HDAC9: variants seen among roughly 807,000 people sequenced by gnomAD.
HDAC9 encodes histone deacetylase 9, also known as MEF-2 interacting transcription repressor (MITR) protein.
In HDAC9, 41 loss-of-function variants were observed where a neutral mutation model predicts 139.4. That is an observed-to-expected ratio of 0.29 (90% CI 0.23 to 0.38). The LOEUF (loss-of-function observed/expected upper bound fraction) is 0.38, where lower values mean the gene tolerates loss of function less well. HDAC9 is among the 10% of genes least tolerant of loss of function. HDAC9 has a pLI of 1.00. For missense variants in HDAC9, 1,147 were observed against 1,297.0 expected (o/e 0.88, Z 1.78); for synonymous variants, 517 against 476.2 (o/e 1.09, Z -1.12).
intron 12 of HDAC9, among the ~76,000 whole-genome samples, chr7:18,719,935 GA>G (rs1785017918): frequency 6.6e-6 from 1 of 152,124 alleles, no homozygotes; most frequent in Admixed American, 6.5e-5. Context: ...CACCTTTGTT[GA>G]AAATCAATTC....
At chr7:18,804,007 C>G (rs1376636911) in intron 17 of HDAC9, among the ~76,000 whole-genome samples, 2 of 151,948 alleles carry the variant, frequency 1.3e-5, no homozygotes, top group African/African-American at 4.8e-5. Flanking sequence ...TGCTGAAGAG[C>G]AATGATAAAG....
chr7:18,377,042 C>T (rs1264681966), intron 1 of HDAC9, among the ~76,000 whole-genome samples: 1 of 152,044 alleles, frequency 6.6e-6, no homozygotes, highest in Non-Finnish European at 1.5e-5. Context: ...ACAGTGTTGA[C>T]AGTGCTGATA....
chr7:18,687,499 A>T (rs559806186), intron 12 of HDAC9, among the ~76,000 whole-genome samples: 4 of 151,926 alleles, frequency 2.6e-5, no homozygotes, highest in African/African-American at 9.7e-5. Flanking sequence ...GATAAATAAC[A>T]TCTATACTTT....
intron 16 of HDAC9, among the ~76,000 whole-genome samples, chr7:18,771,103 C>A (rs1198540588): frequency 1.3e-5 from 2 of 152,174 alleles, no homozygotes; most frequent in East Asian, 1.9e-4. Context: ...CCTAAGAGGA[C>A]TGAGGATTTG....
Position 18,647,810 on chromosome 7 carries a change from A to T in HDAC9, c.1061A>T (p.Gln354Leu). ...LNASNSLKEK[Q>L]KCETQTLRQG... is the part of the protein sequence containing the mutation. ...GCTTCGAATTCACTCAAAGAAAAGC[A>T]GAAGTGTGAGACGCAGACGCTTAGG... The change falls in exon 10 of 26, where the codon CAG becomes CTG. Residue 354 changes from glutamine (Q) to leucine (L), a missense_variant. Gln to Leu is a moderately radical substitution (Grantham distance 113, BLOSUM62 -2). This residue lies in a region of HDAC9 where 264 missense variants were observed against 273.8 expected (regional missense o/e 0.96). Transcript: ENST00000686413. The T allele has an allele frequency of 6.2e-7, 1 of 1,610,960 alleles. No homozygotes were observed. The highest frequency in any genetic ancestry group is 8.5e-7 in the Non-Finnish European group (1 of 1,178,516).
chr7:18,172,755 G>A (rs577391100), intron 2 of HDAC9, among the ~76,000 whole-genome samples: 1 of 152,302 alleles, frequency 6.6e-6, no homozygotes, highest in South Asian at 2.1e-4. Flanking sequence ...CTGTAGTTGT[G>A]CAGTTTTGAG....
intron 13 of HDAC9, among the ~76,000 whole-genome samples, chr7:18,733,545 T>A (rs1786594741): frequency 6.6e-6 from 1 of 151,688 alleles, no homozygotes; most frequent in Non-Finnish European, 1.5e-5. Flanking sequence ...AAAAGAGCTA[T>A]CTTCTTTATT....
intron 1 of HDAC9, among the ~76,000 whole-genome samples, chr7:18,408,916 G>A (rs1014129240): frequency 3.9e-5 from 6 of 152,282 alleles, no homozygotes; most frequent in African/African-American, 1.4e-4. Context: ...TTTGAAACAA[G>A]AGCAACCTAG....
chr7:18,894,512 C>T (rs1405014707), intron 22 of HDAC9, among the ~76,000 whole-genome samples: 1 of 151,974 alleles, frequency 6.6e-6, no homozygotes, highest in Admixed American at 6.6e-5. Flanking sequence ...AACATGCAGG[C>T]CACTTCTGAC....
intron 17 of HDAC9, among the ~76,000 whole-genome samples, chr7:18,809,015 G>A (rs61264647): frequency 0.016 from 2,429 of 152,184 alleles, 58 homozygotes; most frequent in African/African-American, 0.056. Context: ...GAATAGAATG[G>A]AGAGCCCAGC....
chr7:18,650,736 T>C (rs893469849), intron 11 of HDAC9, among the ~76,000 whole-genome samples: 4 of 152,214 alleles, frequency 2.6e-5, no homozygotes, highest in African/African-American at 7.2e-5. Flanking sequence ...CCTATACTTT[T>C]AGGTACATGT....
intron 21 of HDAC9, among the ~76,000 whole-genome samples, chr7:18,845,550 ATTGT>A (rs1796849815): frequency 6.6e-6 from 1 of 152,104 alleles, no homozygotes; most frequent in African/African-American, 2.4e-5. Context: ...GTATTGTTTA[ATTGT>A]TTGCTTTGGT....
rs977401263 is a variant in HDAC9 at position 18,374,700 on chromosome 7, G to A, written c.-42+84185G>A. Among the ~76,000 whole-genome samples, 3 of 151,906 alleles carry A rather than the reference G, an allele frequency of 2.0e-5. No individual in the cohort carries two copies. In the East Asian group the frequency reaches 5.8e-4, roughly 29 times the overall value. On this transcript the variant is annotated intron_variant, in intron 1 of 3. Coordinates refer to the HDAC9 transcript ENST00000413509. ...AACATTGTTATGCTGGGTGTCTCCA[G>A]ACCTCTTAAAGTCTTTATATATATA... is the stretch of plus-strand genomic sequence containing the variant.
At chr7:18,297,065 T>C (rs1798198577) in intron 1 of HDAC9, among the ~76,000 whole-genome samples, 1 of 152,110 alleles carries the variant, frequency 6.6e-6, no homozygotes, top group African/African-American at 2.4e-5. Flanking sequence ...AGAGACGTCA[T>C]TGTTGAGCAG....
intron 17 of HDAC9, among the ~76,000 whole-genome samples, chr7:18,823,930 A>G (rs1795179900): frequency 6.6e-6 from 1 of 151,568 alleles, no homozygotes; most frequent in African/African-American, 2.4e-5. Context: ...GTGAGCTGAG[A>G]TGATGCCACT....
intron 17 of HDAC9, among the ~76,000 whole-genome samples, chr7:18,818,227 C>T (rs1297769832): frequency 6.6e-6 from 1 of 152,160 alleles, no homozygotes; most frequent in Non-Finnish European, 1.5e-5. Context: ...AGTGCTGATA[C>T]TTAAGCACTG....
rs577044118 is a variant in HDAC9 at position 18,466,299 on chromosome 7, C to A, written c.-41-29963C>A. 5.9e-5 allele frequency among the ~76,000 whole-genome samples: 9 copies of A among 152,292 alleles called. No homozygotes were observed. The East Asian group carries it at 1.7e-3, about 29-fold the overall frequency. ...GCAACCTCTGCCTCCCAGGCTCAAG[C>A]CATCCTCCTGCCTCAGTCTCCCAAG... On this transcript the variant is annotated intron_variant, in intron 1 of 3. Transcript: ENST00000413509.
intron 1 of HDAC9, among the ~76,000 whole-genome samples, chr7:18,488,584 A>C (rs1796140128): frequency 6.6e-6 from 1 of 151,950 alleles, no homozygotes. Context: ...ATTCAGTGAA[A>C]TTCATGAGTT....
At chr7:18,857,204 A>AT (rs202202855) in intron 21 of HDAC9, among the ~76,000 whole-genome samples, 3,081 of 149,714 alleles carry the variant, frequency 0.021, 49 homozygotes, top group Admixed American at 0.029. Context: ...CTCTTTTTTT[A>AT]TTTTTTTTTA....
Sources: allele counts gnomAD v4.1 joint callset (sites outside exome capture counted in the v4.1 genomes callset), GRCh38; gene constraint gnomAD v4.1.1; regional missense constraint gnomAD v4.1.1; transcripts MANE v1.5; gene names NCBI Gene and HGNC (gene_info 2026-07-23, HGNC 2026-07-21).